Variants in GSE1 observed in about 807,000 individuals in gnomAD.
GSE1 encodes genetic suppressor element 1.
Under a neutral mutation model 112.6 loss-of-function variants are expected in GSE1, and 32 were observed. That is an observed-to-expected ratio of 0.28 (90% CI 0.21 to 0.38). GSE1 has a LOEUF of 0.38. GSE1 is among the 10% of genes least tolerant of loss of function. The pLI is 1.00. For missense variants in GSE1, 2,348 were observed against 1,699.2 expected (o/e 1.38, Z -6.71); for synonymous variants, 1,115 against 735.6 (o/e 1.52, Z -8.35).
chr16:85,631,521 A>C (rs1019312558), intron 1 of GSE1, among the ~76,000 whole-genome samples: 11 of 152,238 alleles, frequency 7.2e-5, no homozygotes, highest in African/African-American at 2.2e-4. Context: ...TGAGCATCGC[A>C]GACTCAGAGC....
At chr16:85,170,551 A>G in exon 1 of GSE1, 1 of 985,750 alleles carries the variant, frequency 1.0e-6, no homozygotes, top group East Asian at 1.1e-4. Flanking sequence ...AGGCGTCTGC[A>G]ACCCCAAAGA....
rs1161688269 is a variant in GSE1, at chr16:85,655,848, C to T, written c.920C>T (p.Pro307Leu). 2.5e-6 allele frequency: 4 copies of T among 1,609,916 alleles called. No individual in the cohort carries two copies. In the African/African-American group the frequency reaches 4.0e-5, roughly 16 times the overall value. The change falls in exon 6 of 16, where the codon CCT (proline) becomes CTT (leucine). Residue 307 changes from proline (P) to leucine (L), a missense_variant. Coordinates refer to ENST00000253458, the MANE Select transcript of GSE1 (RefSeq NM_014615.5). ...CTGCACCTCTCTGGGGTCCGCTACC[C>T]TCCCGAGCTCTCCCACTCATCCCTG... ...MHLHLSGVRY[P>L]PELSHSSLAA...
chr16:85,487,338 T>C (rs1364700610), intron 2 of GSE1, among the ~76,000 whole-genome samples: 1 of 152,172 alleles, frequency 6.6e-6, no homozygotes, highest in African/African-American at 2.4e-5. Flanking sequence ...AGGAGTGTTT[T>C]AGAGCTCAGG....
At chr16:85,594,162 G>C (rs2047116181) in intron 1 of GSE1, 1 of 149,400 alleles carries the variant, frequency 6.7e-6, no homozygotes, top group African/African-American at 2.5e-5. Context: ...CTGCCTGCCG[G>C]TTGTCGGTGG....
intron 2 of GSE1, among the ~76,000 whole-genome samples, chr16:85,383,374 CACAGCACACAT>C (rs1161418910): frequency 1.3e-5 from 2 of 151,832 alleles, no homozygotes; most frequent in African/African-American, 4.8e-5. Context: ...GCTGCATACA[CACAGCACACAT>C]ACACTCACAC....
At chr16:85,202,546 C>T (rs2075047410) in intron 1 of GSE1, among the ~76,000 whole-genome samples, 1 of 152,200 alleles carries the variant, frequency 6.6e-6, no homozygotes, top group Admixed American at 6.5e-5. Context: ...CATGAGGCCC[C>T]CAGCCAGGCT....
At chr16:85,281,241 C>A (rs575507585) in intron 1 of GSE1, among the ~76,000 whole-genome samples, 1 of 152,210 alleles carries the variant, frequency 6.6e-6, no homozygotes, top group East Asian at 1.9e-4. Flanking sequence ...TGTGGCTTGT[C>A]CCAGGTCCCA....
At chr16:85,483,519 T>C (rs2151877389) in intron 2 of GSE1, among the ~76,000 whole-genome samples, 1 of 152,370 alleles carries the variant, frequency 6.6e-6, no homozygotes, top group Middle Eastern at 3.4e-3. Context: ...AAGTGCTCCA[T>C]GAAGCCTATG....
chr16:85,457,699 C>A (rs1393937887), intron 2 of GSE1, among the ~76,000 whole-genome samples: 1 of 152,206 alleles, frequency 6.6e-6, no homozygotes, highest in African/African-American at 2.4e-5. Context: ...ATTGCACCCC[C>A]ACCCTCTGTC....
intron 2 of GSE1, among the ~76,000 whole-genome samples, chr16:85,464,419 A>G (rs992872444): frequency 2.0e-5 from 3 of 152,040 alleles, no homozygotes; most frequent in African/African-American, 7.2e-5. Flanking sequence ...CTCTCTTCTT[A>G]TTTGGGTGTT....
rs540073277 is a variant in GSE1 at position 85,182,226 on chromosome 16, G to C, written c.2283+10419G>C. On this transcript the variant is annotated intron_variant, in intron 1 of 2. Transcript: ENST00000637419. ...CTGTGGGGGGAGGAGGTGCCATCGTGGGAACAATACCCACCATCAGCCTCG... is the reference window on the plus strand; with the variant it reads ...CTGTGGGGGGAGGAGGTGCCATCGTCGGAACAATACCCACCATCAGCCTCG... Among the ~76,000 whole-genome samples the C allele has an allele frequency of 2.6e-5, 4 of 152,244 alleles. No homozygotes were observed. In the East Asian group the frequency reaches 7.8e-4, roughly 30 times the overall value.
intron 1 of GSE1, among the ~76,000 whole-genome samples, chr16:85,248,942 TC>T (rs1906159927): frequency 1.3e-5 from 2 of 152,160 alleles, no homozygotes; most frequent in Non-Finnish European, 1.5e-5. Flanking sequence ...TCCTGGAGCT[TC>T]CGGGGCGTTA....
chr16:85,670,201 G>A (rs551370805), intron 14 of GSE1, among the ~76,000 whole-genome samples: 2 of 152,294 alleles, frequency 1.3e-5, no homozygotes, highest in East Asian at 1.9e-4. Flanking sequence ...TAGATCAGAG[G>A]AATCACAGAT....
intron 1 of GSE1, among the ~76,000 whole-genome samples, chr16:85,627,044 CTTTTTTTTTTTTTTTTT>C (rs564272210): frequency 1.0e-3 from 25 of 25,072 alleles, no homozygotes; most frequent in East Asian, 7.2e-3. Flanking sequence ...TTCTTCTTGC[CTTTTTTTTTTTTTTTTT>C]TTTTTTTTTT....
intron 1 of GSE1, among the ~76,000 whole-genome samples, chr16:85,258,327 C>T (rs1166304581): frequency 1.3e-5 from 2 of 152,230 alleles, no homozygotes; most frequent in East Asian, 3.8e-4. Context: ...TTGATCTCAG[C>T]CGAGCATCTG....
intron 1 of GSE1, among the ~76,000 whole-genome samples, chr16:85,260,662 C>T (rs1308282471): frequency 1.3e-5 from 2 of 152,228 alleles, no homozygotes; most frequent in Admixed American, 6.5e-5. Flanking sequence ...CTGGTAGGAG[C>T]TGTTCCCAGG....
At position 85,373,884 on chromosome 16, in the gene GSE1, G is replaced by A. The variant is rs997049947; in HGVS notation, c.2464+16241G>A. On this transcript the variant is annotated intron_variant, in intron 2 of 2. Coordinates refer to the GSE1 transcript ENST00000637419. The surrounding 1 kb of genome is among the most constrained non-coding windows in gnomAD (Gnocchi z 5.1). ...GCCAGTCTCTTTGTCTCTTTCATGAGCGGCAGCCTCCAGGCACCCGCCCGG... is the reference window on the plus strand; with the variant it reads ...GCCAGTCTCTTTGTCTCTTTCATGAACGGCAGCCTCCAGGCACCCGCCCGG... Among the ~76,000 whole-genome samples the A allele has an allele frequency of 1.3e-5, 2 of 152,140 alleles. No individual in the cohort carries two copies. The highest frequency in any genetic ancestry group is 4.8e-5 in the African/African-American group (2 of 41,414).
In GSE1 at chr16:85,675,289, A is replaced by G. The variant is rs1251991667; in HGVS notation, c.*2750A>G. On this transcript the variant is annotated 3_prime_UTR_variant, in exon 16 of 16. Transcript: ENST00000253458. ...AGACCATCTTCCTACATTACCTGGA[A>G]GGGAGCTGCCATCTGTCCCTCTGCA... 2 of 152,206 alleles carry G rather than the reference A, an allele frequency of 1.3e-5. No homozygotes were observed. Among genetic ancestry groups the G allele is most frequent in the Non-Finnish European group, 2.9e-5 (2 of 68,026 alleles). The allele number at this position is 152,206 out of a possible 1,614,324, so 9.4% of individuals were successfully genotyped here. A position where few individuals can be genotyped will look rare whatever the true frequency, so the allele number is the denominator to read the frequency against.
At chr16:85,388,652 A>G (rs58443832) in intron 2 of GSE1, among the ~76,000 whole-genome samples, 2 of 149,844 alleles carry the variant, frequency 1.3e-5, no homozygotes, top group African/African-American at 2.5e-5. Flanking sequence ...GGGTGGATGG[A>G]TGGATGGATG....
Sources: gnomAD v4.1 joint callset for allele counts (sites outside exome capture counted in the v4.1 genomes callset) on GRCh38, gnomAD v4.1.1 for gene constraint, Gnocchi (gnomAD v3.1) non-coding constraint, MANE v1.5 for transcripts, NCBI Gene and HGNC (gene_info 2026-07-23, HGNC 2026-07-21) for gene names.